Variants in HDAC9 observed in about 807,000 individuals in gnomAD.
HDAC9 encodes MEF-2 interacting transcription repressor (MITR) protein.
HDAC9 carries 41 observed loss-of-function variants against 139.4 expected under a neutral mutation model. That is an observed-to-expected ratio of 0.29 (90% CI 0.23 to 0.38). The LOEUF (loss-of-function observed/expected upper bound fraction) is 0.38, where lower values mean the gene tolerates loss of function less well. Among genes scored for constraint, HDAC9 ranks in the 10% least tolerant of loss-of-function variants. HDAC9 has a pLI of 1.00. For missense variants in HDAC9, 1,147 were observed against 1,297.0 expected (o/e 0.88, Z 1.78); for synonymous variants, 517 against 476.2 (o/e 1.09, Z -1.12).
intron 11 of HDAC9, among the ~76,000 whole-genome samples, chr7:18,654,803 C>T (rs953483957): frequency 6.6e-6 from 1 of 152,152 alleles, no homozygotes; most frequent in Non-Finnish European, 1.5e-5. Flanking sequence ...AGCTCTGCCT[C>T]CCAACTTCAC....
chr7:18,358,422 T>C (rs188539291), intron 1 of HDAC9, among the ~76,000 whole-genome samples: 29 of 152,342 alleles, frequency 1.9e-4, no homozygotes, highest in African/African-American at 7.0e-4. Flanking sequence ...GAGACAGTAG[T>C]TAATGATTAG....
At chr7:18,404,384 A>T (rs918445773) in intron 1 of HDAC9, among the ~76,000 whole-genome samples, 8 of 152,156 alleles carry the variant, frequency 5.3e-5, no homozygotes, top group African/African-American at 1.9e-4. Context: ...TCCTGAATGA[A>T]AGAGCAATGT....
intron 16 of HDAC9, among the ~76,000 whole-genome samples, chr7:18,786,919 T>C (rs1158065617): frequency 6.6e-6 from 1 of 151,464 alleles, no homozygotes; most frequent in African/African-American, 2.4e-5. Flanking sequence ...ACCGATATTC[T>C]GGGGTCTTTA....
intron 1 of HDAC9, among the ~76,000 whole-genome samples, chr7:18,132,142 C>G (rs571341009): frequency 2.6e-5 from 4 of 152,210 alleles, no homozygotes; most frequent in Non-Finnish European, 5.9e-5. Context: ...GCTCCCAAGT[C>G]ACAGCAATTA....
At position 18,998,941 on chromosome 7, in the gene HDAC9, T is replaced by G. The variant is rs998383062; in HGVS notation, c.*2879T>G. On this transcript the variant is annotated 3_prime_UTR_variant, in exon 26 of 26. Transcript: ENST00000686413. ...CAATTGTATAATTTGGGGCTGTATA[T>G]TAAACTAAAAAACACAGACAGTTTT... 6.6e-6 allele frequency: 1 copy of G among 152,188 alleles called. No individual in the cohort carries two copies. The highest frequency in any genetic ancestry group is 2.4e-5 in the African/African-American group (1 of 41,462). The allele number at this position is 152,188 out of a possible 1,614,324, so 9.4% of individuals were successfully genotyped here.
chr7:18,746,703 C>T lies in HDAC9; in HGVS notation c.1910-2302C>T, dbSNP rs532257781. Among the ~76,000 whole-genome samples, 7 of 152,256 alleles carry T rather than the reference C, an allele frequency of 4.6e-5. No individual in the cohort carries two copies. The East Asian group carries it at 1.4e-3, about 29-fold the overall frequency. The stretch of plus-strand genomic sequence containing the variant: ...CATTCATTCATTTACAGTTTTCATT[C>T]ACTCATTAAAACATATTTTTTGAGG... On this transcript the variant is annotated intron_variant, in intron 13 of 25. Coordinates refer to ENST00000686413, the MANE Select transcript of HDAC9 (RefSeq NM_178425.4).
intron 2 of HDAC9, among the ~76,000 whole-genome samples, chr7:18,545,475 T>G (rs1814476405): frequency 6.6e-6 from 1 of 152,116 alleles, no homozygotes; most frequent in Non-Finnish European, 1.5e-5. Flanking sequence ...TGTTTGGACT[T>G]GACAACTCAA....
At chr7:18,468,827 G>A (rs1003469600) in intron 1 of HDAC9, among the ~76,000 whole-genome samples, 3 of 152,186 alleles carry the variant, frequency 2.0e-5, no homozygotes, top group African/African-American at 7.2e-5. Flanking sequence ...CCATTTCTAA[G>A]TGCCAGATAT....
intron 2 of HDAC9, among the ~76,000 whole-genome samples, chr7:18,561,815 G>T (rs558268495): frequency 1.3e-5 from 2 of 152,122 alleles, no homozygotes; most frequent in Non-Finnish European, 2.9e-5. Flanking sequence ...CCATTGTTTC[G>T]ATATACCACA....
At chr7:18,894,401 G>A (rs1800983141) in intron 22 of HDAC9, among the ~76,000 whole-genome samples, 3 of 152,056 alleles carry the variant, frequency 2.0e-5, no homozygotes, top group South Asian at 2.1e-4. Context: ...CTGTCCTGTA[G>A]CCCAATGGAG....
At chr7:18,087,606 T>A (rs1781880836) in intron 1 of HDAC9, among the ~76,000 whole-genome samples, 1 of 152,172 alleles carries the variant, frequency 6.6e-6, no homozygotes, top group South Asian at 2.1e-4. Flanking sequence ...GGGGTACCTT[T>A]GATGTTTCGT....
At position 18,629,330 on chromosome 7, in the gene HDAC9, T is replaced by C; in HGVS notation, c.665-20T>C. 1.3e-6 allele frequency: 2 copies of C among 1,518,582 alleles called. No individual in the cohort carries two copies. Among genetic ancestry groups the C allele is most frequent in the Non-Finnish European group, 1.8e-6 (2 of 1,136,560 alleles). The allele number at this position is 1,518,582 out of a possible 1,614,324, so 94.1% of individuals were successfully genotyped here. On this transcript the variant is annotated intron_variant, in intron 6 of 25. Transcript: ENST00000686413. Reference sequence around the variant, plus strand: ...TTTTTTAATTTTTATCTATTTTTTTTTTTTTGTCTCAATCCCCAGCCTCTG... The same window carrying C: ...TTTTTTAATTTTTATCTATTTTTTTCTTTTTGTCTCAATCCCCAGCCTCTG...
chr7:18,590,281 A>G, intron 3 of HDAC9, 55 bp from the exon 4 acceptor site: 4 of 1,584,534 alleles, frequency 2.5e-6, no homozygotes, highest in Non-Finnish European at 3.4e-6. Flanking sequence ...TTGGTCAGTG[A>G]TGACTATGAA....
intron 6 of HDAC9, among the ~76,000 whole-genome samples, chr7:18,625,299 C>A (rs546270795): frequency 6.7e-4 from 102 of 152,158 alleles, no homozygotes; most frequent in Non-Finnish European, 1.2e-3. Flanking sequence ...TCTCCAGCTT[C>A]TTTGGGAATC....
intron 17 of HDAC9, among the ~76,000 whole-genome samples, chr7:18,801,699 C>G (rs1023011635): frequency 6.6e-6 from 1 of 152,014 alleles, no homozygotes; most frequent in African/African-American, 2.4e-5. Flanking sequence ...TCTAAAGTCA[C>G]AGAGCCTTGT....
At position 18,955,559 on chromosome 7, in the gene HDAC9, A is replaced by G. The variant is rs111834158; in HGVS notation, c.3022+1329A>G. Among the ~76,000 whole-genome samples, 1,080 of 152,288 alleles carry G rather than the reference A, an allele frequency of 7.1e-3. 17 individuals carry two copies. Among genetic ancestry groups the G allele is most frequent in the African/African-American group, 0.025 (1,043 of 41,578 alleles). On this transcript the variant is annotated intron_variant, in intron 24 of 25. Transcript: ENST00000686413. ...TGTATATTCTGAGCATATCACTTCA[A>G]TAGGCATTTTTGAGTTCTTATTACA... is the stretch of plus-strand genomic sequence containing the variant.
At chr7:18,121,458 C>G (rs1784360403) in intron 1 of HDAC9, among the ~76,000 whole-genome samples, 1 of 150,276 alleles carries the variant, frequency 6.7e-6, no homozygotes, top group African/African-American at 2.5e-5. Context: ...GGTGTTCATT[C>G]TGTCAATTGG....
intron 2 of HDAC9, among the ~76,000 whole-genome samples, chr7:18,521,718 T>C (rs1156301284): frequency 1.3e-5 from 2 of 152,182 alleles, no homozygotes; most frequent in Non-Finnish European, 2.9e-5. Context: ...CAGTCTAGGA[T>C]TTCCAGTTTT....
chr7:18,945,267 CA>C (rs1782294974), intron 23 of HDAC9, among the ~76,000 whole-genome samples: 1 of 152,200 alleles, frequency 6.6e-6, no homozygotes, highest in South Asian at 2.1e-4. Context: ...TTGATTTGCC[CA>C]GACGCTAATG....
Sources: gnomAD v4.1 joint callset for allele counts (sites outside exome capture counted in the v4.1 genomes callset) on GRCh38, gnomAD v4.1.1 for gene constraint, MANE v1.5 for transcripts, NCBI Gene and HGNC (gene_info 2026-07-23, HGNC 2026-07-21) for gene names.